PRKN: variants seen among roughly 807,000 people sequenced by gnomAD.
The protein encoded by PRKN is parkin RBR E3 ubiquitin protein ligase.
In PRKN, 56 loss-of-function variants were observed where a neutral mutation model predicts 59.5. The ratio of observed to expected loss-of-function variants is 0.94; its 90% CI spans 0.76 to 1.18. PRKN has a LOEUF of 1.18. PRKN is among the 50% of genes most tolerant of loss of function. The probability of loss-of-function intolerance (pLI) is 0.00; values close to 1 mark genes in which losing one functional copy is unlikely to be tolerated. For missense variants in PRKN, 657 were observed against 596.4 expected, an observed-to-expected ratio of 1.10 and a Z score of -1.06; for synonymous variants, 250 against 222.1, an observed-to-expected ratio of 1.13 and a Z score of -1.12.
chr6:162,010,614 A>C, intron 5 of PRKN, among the ~76,000 whole-genome samples: 1 of 9,894 alleles, frequency 1.0e-4, no homozygotes. Flanking sequence ...ATTATATAAT[A>C]TATTATATTA....
At chr6:162,671,485 G>A (rs1161590538) in intron 1 of PRKN, among the ~76,000 whole-genome samples, 3 of 139,162 alleles carry the variant, frequency 2.2e-5, no homozygotes, top group Non-Finnish European at 3.1e-5. Context: ...GCAATAGAGC[G>A]AGACTCTGTC....
chr6:161,490,803 T>C (rs1457327052), intron 9 of PRKN, among the ~76,000 whole-genome samples: 1 of 152,150 alleles, frequency 6.6e-6, no homozygotes. Flanking sequence ...GGGGTTCTCA[T>C]GCTTGTGTGA....
chr6:162,649,927 C>A (rs570130014), intron 1 of PRKN, among the ~76,000 whole-genome samples: 1 of 152,054 alleles, frequency 6.6e-6, no homozygotes, highest in South Asian at 2.1e-4. Flanking sequence ...TTGGTTTTAA[C>A]ATTTTTGAAG....
chr6:161,740,542 C>T (rs954584261), intron 7 of PRKN, among the ~76,000 whole-genome samples: 3 of 152,322 alleles, frequency 2.0e-5, no homozygotes, highest in Admixed American at 6.5e-5. Flanking sequence ...TGGCCTCCCT[C>T]GGTCCCACGT....
rs1787761185 is a variant in PRKN, at chr6:161,414,782, G to C, written c.1084-27905C>G. On this transcript the variant is annotated intron_variant, in intron 9 of 11. Coordinates refer to ENST00000366898, the MANE Select transcript of PRKN (RefSeq NM_004562.3). The surrounding 1 kb of genome is among the most constrained non-coding windows in gnomAD (Gnocchi z 5.3). ...ACCAGAGGAGGGTCTCCGCAGGCAG[G>C]GCAGCCGCTGAACAGCACCGGGAGG... 6.6e-6 allele frequency among the ~76,000 whole-genome samples: 1 copy of C among 152,180 alleles called. No homozygotes were observed. Among genetic ancestry groups the C allele is most frequent in the African/African-American group, 2.4e-5 (1 of 41,442 alleles).
chr6:161,439,974 G>T (rs571255810), intron 9 of PRKN, among the ~76,000 whole-genome samples: 1 of 148,002 alleles, frequency 6.8e-6, no homozygotes, highest in African/African-American at 2.5e-5. Flanking sequence ...TTTTTTTGAC[G>T]GAGTCTCACT....
At position 161,379,781 on chromosome 6, in the gene PRKN, C is replaced by T. The variant is rs774440643; in HGVS notation, c.1167+7013G>A. Among the ~76,000 whole-genome samples, 11 of 152,236 alleles carry T rather than the reference C, an allele frequency of 7.2e-5. No homozygotes were observed. The highest frequency in any genetic ancestry group is 4.1e-4 in the South Asian group (2 of 4,832). ...TGTGGCAACTGCACGGCAGTTCAGCCTTCCTTCAAACTGCTTCATGCGATT... is the reference window on the plus strand; with the variant it reads ...TGTGGCAACTGCACGGCAGTTCAGCTTTCCTTCAAACTGCTTCATGCGATT... On this transcript the variant is annotated intron_variant, in intron 10 of 11. Coordinates refer to ENST00000366898, the MANE Select transcript of PRKN (RefSeq NM_004562.3). This position sits in a 1 kb window ranked among gnomAD's most constrained non-coding sequence, Gnocchi z 4.9.
chr6:161,918,240 G>A (rs1179584632), intron 6 of PRKN, among the ~76,000 whole-genome samples: 1 of 152,148 alleles, frequency 6.6e-6, no homozygotes, highest in Non-Finnish European at 1.5e-5. Context: ...ACAGTACCAC[G>A]CAGAACATCG....
intron 1 of PRKN, among the ~76,000 whole-genome samples, chr6:162,468,056 C>T (rs558587535): frequency 2.0e-5 from 3 of 152,268 alleles, no homozygotes; most frequent in South Asian, 4.1e-4. Flanking sequence ...TTACTGCTAC[C>T]GTGGTTCTTA....
At chr6:161,614,993 GAGAGA>G (rs1782637014) in intron 7 of PRKN, among the ~76,000 whole-genome samples, 2 of 148,058 alleles carry the variant, frequency 1.4e-5, no homozygotes, top group Non-Finnish European at 3.0e-5. Context: ...GAGAGAGAGA[GAGAGA>G]GAACACTGAA....
chr6:161,988,233 T>C (rs1161822512), intron 5 of PRKN, among the ~76,000 whole-genome samples: 1 of 152,182 alleles, frequency 6.6e-6, no homozygotes. Flanking sequence ...TGGTGGCTTA[T>C]GCCAGCACTT....
chr6:162,221,428 T>G (rs537022586), intron 3 of PRKN, among the ~76,000 whole-genome samples: 1 of 152,196 alleles, frequency 6.6e-6, no homozygotes, highest in Non-Finnish European at 1.5e-5. Context: ...GAAGCCCTGG[T>G]TTCTCACTTT....
intron 6 of PRKN, among the ~76,000 whole-genome samples, chr6:161,872,574 C>A (rs1233714986): frequency 6.6e-6 from 1 of 152,168 alleles, no homozygotes; most frequent in African/African-American, 2.4e-5. Flanking sequence ...CTGTTCTGGG[C>A]TTTCCTGGTC....
chr6:161,357,478 G>C lies in PRKN; in HGVS notation c.1285+2610C>G, dbSNP rs571504348. ...CCTGCCGTGCCTGTGACGCCTGCCA[G>C]AAGTGGGAACATGGGTGGGTGTTTA... On this transcript the variant is annotated intron_variant, in intron 11 of 11. Coordinates refer to ENST00000366898, the MANE Select transcript of PRKN (RefSeq NM_004562.3). The surrounding 1 kb of genome is among the most constrained non-coding windows in gnomAD (Gnocchi z 5.5). Among the ~76,000 whole-genome samples the C allele has an allele frequency of 2.0e-5, 3 of 152,358 alleles. No homozygotes were observed. Among genetic ancestry groups the C allele is most frequent in the Non-Finnish European group, 4.4e-5 (3 of 68,042 alleles).
At chr6:162,701,618 G>T (rs892783656) in intron 1 of PRKN, among the ~76,000 whole-genome samples, 9 of 151,756 alleles carry the variant, frequency 5.9e-5, no homozygotes, top group Admixed American at 1.3e-4. Flanking sequence ...CCTAGGGCTT[G>T]AGACAATGTA....
At chr6:161,640,968 G>T (rs2128158389) in intron 7 of PRKN, among the ~76,000 whole-genome samples, 1 of 152,372 alleles carries the variant, frequency 6.6e-6, no homozygotes, top group African/African-American at 2.4e-5. Context: ...GCTCCCTGCA[G>T]GAATGAAGCC....
intron 7 of PRKN, among the ~76,000 whole-genome samples, chr6:161,664,799 T>TTC (rs1360352061): frequency 1.3e-5 from 2 of 151,562 alleles, no homozygotes; most frequent in Non-Finnish European, 2.9e-5. Flanking sequence ...TTTTCTTTTT[T>TTC]TTTTTTTGAG....
intron 1 of PRKN, among the ~76,000 whole-genome samples, chr6:162,562,843 G>C (rs1215734956): frequency 6.6e-6 from 1 of 152,198 alleles, no homozygotes; most frequent in East Asian, 1.9e-4. Flanking sequence ...AACATAGGCA[G>C]TAGCCAGGGA....
rs1334783921 is a variant in PRKN, at chr6:161,407,448, A to G, written c.1084-20571T>C. Among the ~76,000 whole-genome samples, 1 of 152,192 alleles carries G rather than the reference A, an allele frequency of 6.6e-6. No individual in the cohort carries two copies. The highest frequency in any genetic ancestry group is 2.4e-5 in the African/African-American group (1 of 41,432). On this transcript the variant is annotated intron_variant, in intron 9 of 11. Coordinates refer to ENST00000366898, the MANE Select transcript of PRKN (RefSeq NM_004562.3). The surrounding 1 kb of genome is among the most constrained non-coding windows in gnomAD (Gnocchi z 4.9). ...CCATTCTAAGATGACATTAATGGTA[A>G]AAAGCACCTTCAATTTAATAGTGGC...
Sources: gnomAD v4.1 joint callset for allele counts (sites outside exome capture counted in the v4.1 genomes callset) on GRCh38, gnomAD v4.1.1 for gene constraint, Gnocchi (gnomAD v3.1) non-coding constraint, MANE v1.5 for transcripts, NCBI Gene and HGNC (gene_info 2026-07-23, HGNC 2026-07-21) for gene names.